The following MTUS2 variants were observed in gnomAD, a reference collection of about 807,000 sequenced individuals.
MTUS2 encodes the protein microtubule associated scaffold protein 2, also known as microtubule-associated tumor suppressor candidate 2.
A neutral mutation model predicts 114.1 loss-of-function variants in MTUS2; 40 were observed. The observed-to-expected ratio is 0.35, with a 90% confidence interval of 0.27 to 0.46. The LOEUF (loss-of-function observed/expected upper bound fraction) is 0.46. Among genes scored for constraint, MTUS2 ranks in the 20% least tolerant of loss-of-function variants. The pLI is 1.00. For missense variants in MTUS2, 1,679 were observed against 1,705.4 expected, an observed-to-expected ratio of 0.98 and a Z score of 0.27; for synonymous variants, 688 against 672.0, an observed-to-expected ratio of 1.02 and a Z score of -0.37.
At chr13:29,464,885 A>G (rs926389590) in intron 9 of MTUS2, among the ~76,000 whole-genome samples, 1 of 152,162 alleles carries the variant, frequency 6.6e-6, no homozygotes, top group African/African-American at 2.4e-5. Context: ...AGGCTTAGAA[A>G]TCTGTTTTAA....
chr13:28,847,099 G>A lies in MTUS2; in HGVS notation c.-243+7249G>A, dbSNP rs775991759. Among the ~76,000 whole-genome samples the A allele has an allele frequency of 8.5e-5, 13 of 152,274 alleles. No individual in the cohort carries two copies. The East Asian group carries it at 1.7e-3, about 20-fold the overall frequency. On this transcript the variant is annotated intron_variant, in intron 2 of 15. Coordinates refer to ENST00000612955, the MANE Select transcript of MTUS2 (RefSeq NM_001033602.4). ...GTGATGTGGAAGAGTTCATGTCCTC[G>A]TCAGGTTCCTGCTGAGCCAGTGTGC...
At chr13:28,993,651 A>G (rs1884958999) in intron 2 of MTUS2, among the ~76,000 whole-genome samples, 1 of 152,102 alleles carries the variant, frequency 6.6e-6, no homozygotes, top group Admixed American at 6.5e-5. Flanking sequence ...TCCCAGCACC[A>G]TTTATTGAAT....
At chr13:29,214,557 G>A (rs1895599823) in intron 5 of MTUS2, among the ~76,000 whole-genome samples, 1 of 152,136 alleles carries the variant, frequency 6.6e-6, no homozygotes, top group Non-Finnish European at 1.5e-5. Context: ...CAGGCCTTGT[G>A]GTGACAATAT....
intron 7 of MTUS2, among the ~76,000 whole-genome samples, chr13:29,356,419 A>G (rs1869746784): frequency 6.6e-6 from 1 of 152,198 alleles, no homozygotes; most frequent in African/African-American, 2.4e-5. Context: ...TGAGAGAAAA[A>G]TGAGAAGCAA....
chr13:28,849,516 A>AT (rs1240681646), intron 2 of MTUS2, among the ~76,000 whole-genome samples: 14 of 152,242 alleles, frequency 9.2e-5, no homozygotes, highest in African/African-American at 3.4e-4. Flanking sequence ...AGTGGGCATC[A>AT]TACAGAGTCC....
chr13:28,905,931 A>T (rs1216139781), intron 2 of MTUS2, among the ~76,000 whole-genome samples: 1 of 151,452 alleles, frequency 6.6e-6, no homozygotes, highest in African/African-American at 2.4e-5. Flanking sequence ...ACAATTTCAG[A>T]GCCTGTTATT....
chr13:29,297,126 T>TGGTGATGG (rs1331019486), intron 6 of MTUS2, among the ~76,000 whole-genome samples: 1 of 152,126 alleles, frequency 6.6e-6, no homozygotes, highest in Non-Finnish European at 1.5e-5. Context: ...TTTTTATATA[T>TGGTGATGG]GGTGATGGGG....
intron 8 of MTUS2, among the ~76,000 whole-genome samples, chr13:29,434,740 G>C (rs1877283879): frequency 6.6e-6 from 1 of 152,332 alleles, no homozygotes; most frequent in Middle Eastern, 3.4e-3. Flanking sequence ...CATCAGAAGA[G>C]ATAACGCCCA....
intron 2 of MTUS2, among the ~76,000 whole-genome samples, chr13:29,009,776 C>A (rs1014650431): frequency 6.6e-6 from 1 of 151,864 alleles, no homozygotes; most frequent in Non-Finnish European, 1.5e-5. Context: ...TTTTTCATTT[C>A]AAGTCTTTCT....
intron 8 of MTUS2, among the ~76,000 whole-genome samples, chr13:29,373,469 A>G (rs1344139250): frequency 6.6e-6 from 1 of 152,188 alleles, no homozygotes; most frequent in Non-Finnish European, 1.5e-5. Context: ...GAGGCAAAGG[A>G]GGAACGTGGG....
chr13:29,467,027 C>T (rs1332806300), intron 9 of MTUS2, among the ~76,000 whole-genome samples: 2 of 151,910 alleles, frequency 1.3e-5, no homozygotes, highest in Non-Finnish European at 2.9e-5. Context: ...TATCTAGCAG[C>T]CATTTGGTCT....
chr13:29,487,845 A>C (rs1881739868), intron 10 of MTUS2, 55 bp from the exon 11 acceptor site: 4 of 1,376,244 alleles, frequency 2.9e-6, no homozygotes, highest in Non-Finnish European at 4.1e-6. Context: ...ACGGAATTCC[A>C]CTTCTGTTCT....
intron 6 of MTUS2, among the ~76,000 whole-genome samples, chr13:29,305,773 C>G (rs896593846): frequency 6.6e-6 from 1 of 152,198 alleles, no homozygotes; most frequent in African/African-American, 2.4e-5. Context: ...GGGACTCCTT[C>G]CTAACTCATT....
At chr13:29,047,152 A>C (rs565702746) in intron 4 of MTUS2, among the ~76,000 whole-genome samples, 9 of 152,334 alleles carry the variant, frequency 5.9e-5, no homozygotes, top group African/African-American at 2.2e-4. Context: ...TAACAGACTG[A>C]ACTGAGTTAA....
At position 29,126,753 on chromosome 13, in the gene MTUS2, T is replaced by A. The variant is rs545823639; in HGVS notation, c.2644+25783T>A. On this transcript the variant is annotated intron_variant, in intron 5 of 15. Coordinates refer to ENST00000612955, the MANE Select transcript of MTUS2 (RefSeq NM_001033602.4). ...TATTGGACACCCCTGCTCTACTTCA[T>A]CCTACAACCTGAAGACCTTAGAATG... 4.6e-5 allele frequency among the ~76,000 whole-genome samples: 7 copies of A among 152,226 alleles called. No homozygotes were observed. In the South Asian group the frequency reaches 1.5e-3, roughly 32 times the overall value.
intron 1 of MTUS2, among the ~76,000 whole-genome samples, chr13:28,821,326 A>G (rs1873884919): frequency 6.6e-6 from 1 of 152,212 alleles, no homozygotes; most frequent in African/African-American, 2.4e-5. Context: ...GTAAAGCATT[A>G]AAAAATTGGT....
In MTUS2 at chr13:29,251,913, A is replaced by T. The variant is rs1028787169; in HGVS notation, c.2645-29791A>T. Among the ~76,000 whole-genome samples, 6 of 152,214 alleles carry T rather than the reference A, an allele frequency of 3.9e-5. No individual in the cohort carries two copies. The South Asian group carries it at 6.2e-4, about 16-fold the overall frequency. ...TATGAACACGAGTCTACAAATATCTATTTGAGTCCCTGCTTTCAGTTCTTT... is the reference window on the plus strand; with the variant it reads ...TATGAACACGAGTCTACAAATATCTTTTTGAGTCCCTGCTTTCAGTTCTTT... On this transcript the variant is annotated intron_variant, in intron 5 of 15. Coordinates refer to ENST00000612955, the MANE Select transcript of MTUS2 (RefSeq NM_001033602.4).
intron 2 of MTUS2, among the ~76,000 whole-genome samples, chr13:28,998,745 G>A (rs1262238882): frequency 3.9e-5 from 6 of 152,132 alleles, no homozygotes; most frequent in South Asian, 2.1e-4. Context: ...GGTCCATCAC[G>A]TCCATTAAGG....
At chr13:29,201,871 C>G (rs1344097556) in intron 5 of MTUS2, among the ~76,000 whole-genome samples, 1 of 152,196 alleles carries the variant, frequency 6.6e-6, no homozygotes, top group Non-Finnish European at 1.5e-5. Flanking sequence ...GCGGAGAGAT[C>G]TGCTGTTAGT....
Sources: gnomAD v4.1 joint callset for allele counts (sites outside exome capture counted in the v4.1 genomes callset) on GRCh38, gnomAD v4.1.1 for gene constraint, MANE v1.5 for transcripts, NCBI Gene and HGNC (gene_info 2026-07-23, HGNC 2026-07-21) for gene names.